Variants in GRIK1 observed in about 807,000 individuals in gnomAD.
GRIK1 encodes glutamate receptor ionotropic, kainate 1.
Under a neutral mutation model 105.7 loss-of-function variants are expected in GRIK1, and 69 were observed. That is an observed-to-expected ratio of 0.65 (90% CI 0.54 to 0.80). The LOEUF is 0.80. GRIK1 is among the 30% of genes least tolerant of loss of function. The probability of loss-of-function intolerance (pLI) is 0.00; values close to 1 mark genes in which losing one functional copy is unlikely to be tolerated. For missense variants in GRIK1, 1,109 were observed against 1,167.3 expected, an observed-to-expected ratio of 0.95 and a Z score of 0.73; for synonymous variants, 438 against 431.3, an observed-to-expected ratio of 1.02 and a Z score of -0.19.
intron 16 of GRIK1, among the ~76,000 whole-genome samples, chr21:29,554,314 A>G (rs2090194086): frequency 6.6e-6 from 1 of 152,182 alleles, no homozygotes; most frequent in African/African-American, 2.4e-5. Context: ...TATTTTGTTT[A>G]TTCTAGCATG....
intron 12 of GRIK1, among the ~76,000 whole-genome samples, chr21:29,584,588 T>A (rs551282204): frequency 6.6e-6 from 1 of 152,344 alleles, no homozygotes; most frequent in Admixed American, 6.5e-5. Flanking sequence ...TTTAATTCAG[T>A]TCAACAAATA....
chr21:29,917,303 A>G (rs1241198163), intron 1 of GRIK1, among the ~76,000 whole-genome samples: 2 of 152,086 alleles, frequency 1.3e-5, no homozygotes, highest in East Asian at 3.8e-4. Context: ...TGAAATTGAG[A>G]GAAATGAATA....
chr21:29,680,394 CG>C (rs112901945), intron 3 of GRIK1, among the ~76,000 whole-genome samples: 1,984 of 152,290 alleles, frequency 0.013, 40 homozygotes, highest in African/African-American at 0.045. Flanking sequence ...AGAACCTGAG[CG>C]TATCTTACTC....
chr21:29,585,060 G>A (rs1314971681), intron 12 of GRIK1, among the ~76,000 whole-genome samples: 1 of 152,088 alleles, frequency 6.6e-6, no homozygotes, highest in Non-Finnish European at 1.5e-5. Flanking sequence ...TTCCAAGTTT[G>A]CACTGGATGT....
chr21:29,757,982 T>G (rs1473326682), intron 1 of GRIK1, among the ~76,000 whole-genome samples: 2 of 152,246 alleles, frequency 1.3e-5, no homozygotes, highest in Non-Finnish European at 2.9e-5. Flanking sequence ...AGATCTTAGC[T>G]TGAGATAATA....
chr21:29,684,031 A>G (rs745958123), intron 3 of GRIK1, among the ~76,000 whole-genome samples: 11 of 152,238 alleles, frequency 7.2e-5, no homozygotes, highest in Non-Finnish European at 1.2e-4. Context: ...ATAAAACTGT[A>G]TACCTCATCT....
At chr21:29,858,294 C>T (rs1485130270) in intron 1 of GRIK1, among the ~76,000 whole-genome samples, 1 of 152,206 alleles carries the variant, frequency 6.6e-6, no homozygotes, top group Non-Finnish European at 1.5e-5. Context: ...TCTCTCCACT[C>T]AGAGAAGGCT....
At chr21:29,768,417 A>G (rs150747444) in intron 1 of GRIK1, among the ~76,000 whole-genome samples, 1 of 152,300 alleles carries the variant, frequency 6.6e-6, no homozygotes, top group Non-Finnish European at 1.5e-5. Context: ...ATAGAAAAGG[A>G]GAGAAAGACG....
In GRIK1 at chr21:29,746,944, A is replaced by G. The variant is rs1235028828; in HGVS notation, c.119-52881T>C. ...TCACTTTTAGGTAGCCATTTTCTAC[A>G]CCTCAATCAGATTAAAGGTCTATTT... On this transcript the variant is annotated intron_variant, in intron 1 of 17. Transcript: ENST00000327783. 3.9e-5 allele frequency among the ~76,000 whole-genome samples: 6 copies of G among 152,316 alleles called. No homozygotes were observed. The East Asian group carries it at 1.2e-3, about 29-fold the overall frequency.
intron 1 of GRIK1, among the ~76,000 whole-genome samples, chr21:29,707,623 G>A (rs1662782658): frequency 6.6e-6 from 1 of 151,854 alleles, no homozygotes; most frequent in South Asian, 2.1e-4. Flanking sequence ...AGCCTCCCGA[G>A]TAGTTGGGCC....
At chr21:29,676,867 C>T (rs1023709221) in intron 3 of GRIK1, among the ~76,000 whole-genome samples, 6 of 152,134 alleles carry the variant, frequency 3.9e-5, no homozygotes, top group South Asian at 2.1e-4. Context: ...AACTGAATGC[C>T]ATGAGTGATC....
intron 3 of GRIK1, among the ~76,000 whole-genome samples, chr21:29,677,027 C>A: frequency 6.6e-6 from 1 of 152,016 alleles, no homozygotes; most frequent in African/African-American, 2.4e-5. Context: ...AAGGTCCTTC[C>A]TAGGAAATTC....
At chr21:29,671,982 C>G (rs1335060897) in intron 4 of GRIK1, among the ~76,000 whole-genome samples, 1 of 151,918 alleles carries the variant, frequency 6.6e-6, no homozygotes, top group Non-Finnish European at 1.5e-5. Context: ...AGACATTGCT[C>G]TAAGTTTCCA....
At chr21:29,819,541 T>G (rs1569128611) in intron 1 of GRIK1, among the ~76,000 whole-genome samples, 1 of 152,004 alleles carries the variant, frequency 6.6e-6, no homozygotes, top group Non-Finnish European at 1.5e-5. Flanking sequence ...TTTTATTTGA[T>G]AGCGTGATAT....
intron 9 of GRIK1, among the ~76,000 whole-genome samples, chr21:29,595,180 A>G (rs1014419681): frequency 5.3e-5 from 8 of 152,104 alleles, no homozygotes; most frequent in African/African-American, 1.9e-4. Flanking sequence ...TCAGAAAGTT[A>G]CAACCCTCGG....
At chr21:29,673,902 GGATGTACTGATCTGCA>G (rs2063207859) in intron 3 of GRIK1, among the ~76,000 whole-genome samples, 1 of 152,134 alleles carries the variant, frequency 6.6e-6, no homozygotes, top group Admixed American at 6.6e-5. Flanking sequence ...CCACAGGTGT[GGATGTACTGATCTGCA>G]CTGTTTCCTA....
Position 29,775,791 on chromosome 21 carries a change from C to T in GRIK1, c.119-81728G>A, listed in dbSNP as rs371515902. ...AAACCTGTTCTTCTTAGCATTCCTT[C>T]TTCACTTCTACTACTGTATGAACAG... On this transcript the variant is annotated intron_variant, in intron 1 of 17. Transcript: ENST00000327783. Among the ~76,000 whole-genome samples the T allele has an allele frequency of 1.6e-4, 25 of 152,322 alleles. No homozygotes were observed. The East Asian group carries it at 4.0e-3, about 25-fold the overall frequency.
intron 1 of GRIK1, among the ~76,000 whole-genome samples, chr21:29,848,779 A>ATATATATATATTT: frequency 1.4e-4 from 11 of 77,862 alleles, no homozygotes; most frequent in East Asian, 7.7e-4. Context: ...ATATATATAT[A>ATATATATATATTT]TTTTTTTTTT....
At chr21:29,822,115 G>C (rs1289765146) in intron 1 of GRIK1, among the ~76,000 whole-genome samples, 5 of 151,952 alleles carry the variant, frequency 3.3e-5, no homozygotes. Context: ...TCAAGTGAAG[G>C]CATCAGGAAA....
Sources: allele counts gnomAD v4.1 joint callset (sites outside exome capture counted in the v4.1 genomes callset), GRCh38; gene constraint gnomAD v4.1.1; transcripts MANE v1.5; gene names NCBI Gene and HGNC (gene_info 2026-07-23, HGNC 2026-07-21).